Variants in CDK11A observed in about 807,000 individuals in gnomAD.
CDK11A encodes cyclin dependent kinase 11A.
CDK11A carries 55 observed loss-of-function variants against 83.6 expected under a neutral mutation model. The ratio of observed to expected loss-of-function variants is 0.66; its 90% CI spans 0.53 to 0.82. The LOEUF (loss-of-function observed/expected upper bound fraction) is 0.82. Among genes scored for constraint, CDK11A ranks in the 40% least tolerant of loss-of-function variants. The pLI is 0.00. For synonymous variants in CDK11A, 247 were observed against 302.7 expected (o/e 0.82, Z 1.91); for missense variants, 564 against 810.1 (o/e 0.70, Z 3.69).
intron 4 of CDK11A, among the ~76,000 whole-genome samples, 189 bp from the exon 5 acceptor site, chr1:1,716,667 A>T (rs1261548972): frequency 6.7e-6 from 1 of 150,308 alleles, no homozygotes; most frequent in Non-Finnish European, 1.5e-5. Context: ...TACAAAAATT[A>T]GCTGGGCGTG....
At position 1,704,657 on chromosome 1, in the gene CDK11A, T is replaced by G. The variant is rs1644241439; in HGVS notation, c.1459-2A>C. On this transcript the variant is annotated splice_acceptor_variant, in intron 13 of 19. Transcript: ENST00000404249. LOFTEE classifies it high-confidence loss of function. ...CATGTTGCTGCCCACCACAATCTCC[T>G]GCAGGGCACGGCTCTGTGGGTGCTG... 2 of 1,596,508 alleles carry G rather than the reference T, an allele frequency of 1.3e-6. No individual in the cohort carries two copies.
At chr1:1,723,158 A>C (rs1314344506) in intron 1 of CDK11A, among the ~76,000 whole-genome samples, 4 of 35,980 alleles carry the variant, frequency 1.1e-4, no homozygotes, top group African/African-American at 3.0e-4. Flanking sequence ...GGATCACTTG[A>C]ATCAGAGAGG....
intron 3 of CDK11A, 85 bp from the exon 4 acceptor site, chr1:1,719,540 A>G (rs940267853): frequency 8.9e-7 from 1 of 1,121,914 alleles, no homozygotes; most frequent in African/African-American, 1.6e-5. Flanking sequence ...TCAACCCAGA[A>G]AAATGCATGA....
intron 11 of CDK11A, among the ~76,000 whole-genome samples, chr1:1,706,796 C>T (rs1236699084): frequency 1.3e-5 from 2 of 150,596 alleles, no homozygotes; most frequent in Non-Finnish European, 3.0e-5. Context: ...ATAGGGCAGT[C>T]GACAGAGGCC....
chr1:1,717,934 G>A (rs932003930), intron 4 of CDK11A, among the ~76,000 whole-genome samples: 1 of 150,314 alleles, frequency 6.7e-6, no homozygotes, highest in African/African-American at 2.5e-5. Flanking sequence ...CTTTCAGCTA[G>A]AGTATTCTCT....
intron 5 of CDK11A, among the ~76,000 whole-genome samples, chr1:1,715,268 C>T (rs1285040470): frequency 2.3e-5 from 3 of 128,952 alleles, no homozygotes; most frequent in South Asian, 2.6e-4. Flanking sequence ...TAGCCTCCCA[C>T]GTAGCATATG....
Position 1,704,162 on chromosome 1 carries a change from G to A in CDK11A, c.1687-16C>T, listed in dbSNP as rs374107288. 1.9e-6 allele frequency: 3 copies of A among 1,607,166 alleles called. No homozygotes were observed. The highest frequency in any genetic ancestry group is 2.6e-6 in the Non-Finnish European group (3 of 1,175,986). On this transcript the variant is annotated splice_polypyrimidine_tract_variant and intron_variant, in intron 15 of 19. Coordinates refer to ENST00000404249, the MANE Select transcript of CDK11A (RefSeq NM_024011.4). ...AATCACCCACCTGCAACGACAGATG[G>A]GCGGCTGTGGGTGGGCCTGGGCGGG...
intron 19 of CDK11A, 34 bp from the exon 20 acceptor site, chr1:1,703,033 C>T: frequency 2.4e-6 from 1 of 408,910 alleles, no homozygotes. Context: ...GAACCCTGCC[C>T]AAGCCAGCCC....
In CDK11A at chr1:1,704,530, A is replaced by C. The variant is rs2377232; in HGVS notation, c.1564+20T>G. 3.1e-4 allele frequency: 496 copies of C among 1,601,428 alleles called. 12 individuals carry two copies. The African/African-American group carries it at 4.6e-3, about 15-fold the overall frequency. ...CTGCCCCCACTTGTACGCAGACAGG[A>C]CCCCGGGGCGCGGCTGTACCTGGCA... On this transcript the variant is annotated intron_variant, in intron 14 of 19. Transcript: ENST00000404249.
At chr1:1,710,636 C>G (rs529438470) in intron 6 of CDK11A, among the ~76,000 whole-genome samples, 1 of 149,948 alleles carries the variant, frequency 6.7e-6, no homozygotes, top group Non-Finnish European at 1.5e-5. Flanking sequence ...CCAACAGACA[C>G]GGTTCCTGAA....
In CDK11A at chr1:1,714,001, T is replaced by C. The variant is rs1431078146; in HGVS notation, c.489-1601A>G. ...CCACTCCACTGCCTTCTGGCCTCCA[T>C]TGTTTCTAAGAAGTCAGTGGCTGGC... On this transcript the variant is annotated intron_variant, in intron 5 of 19. Transcript: ENST00000404249. Among the ~76,000 whole-genome samples the C allele has an allele frequency of 1.9e-4, 8 of 41,604 alleles. 4 individuals are homozygous for C. Among genetic ancestry groups the C allele is most frequent in the African/African-American group, 3.1e-4 (8 of 25,812 alleles). 27.3% of individuals were successfully genotyped at this position (41,604 alleles called of 152,430 possible). A position where few individuals can be genotyped will look rare whatever the true frequency, so the allele number is the denominator to read the frequency against.
rs748513891 is a variant in CDK11A, at chr1:1,704,027, C to G, written c.1794+12G>C. 1 of 1,598,272 alleles carries G rather than the reference C, an allele frequency of 6.3e-7. No individual in the cohort carries two copies. Among genetic ancestry groups the G allele is most frequent in the Admixed American group, 1.7e-5 (1 of 58,980 alleles). ...GGGGGACAGGGGAGGCACTCAGACG[C>G]CCAGGACTCACCTTGGCACCAAGCA... On this transcript the variant is annotated intron_variant, in intron 16 of 19. Coordinates refer to ENST00000404249, the MANE Select transcript of CDK11A (RefSeq NM_024011.4).
Position 1,703,820 on chromosome 1 carries a change from C to T in CDK11A, c.1911+4G>A, listed in dbSNP as rs369332732. 14 of 1,609,462 alleles carry T rather than the reference C, an allele frequency of 8.7e-6. 1 individual carries two copies. The highest frequency in any genetic ancestry group is 1.2e-5 in the Non-Finnish European group (14 of 1,176,910). ...TAGCGCACCTGCGGCAGGGCCAGAC[C>T]CACCTTGAACACTTTGTTGATCTGA... On this transcript the variant is annotated splice_donor_region_variant and intron_variant, in intron 17 of 19. Transcript: ENST00000404249.
At chr1:1,720,136 C>T (rs1382971518) in intron 3 of CDK11A, among the ~76,000 whole-genome samples, 1 of 150,598 alleles carries the variant, frequency 6.6e-6, no homozygotes, top group East Asian at 1.9e-4. Context: ...CTCTGTCGCC[C>T]AGGCTGGAGG....
rs575236489 is a variant in CDK11A, at chr1:1,703,852, T to C, written c.1883A>G (p.Glu628Gly). ...GAACACTTTGTTGATCTGATCGATT[T>C]CCGAATTCCCGGGGAACAGAGGCTT... ...TQKPLFPGNS[E>G]IDQINKVFKE... Residue 628 changes from glutamate to glycine, a missense_variant, in exon 17 of 20, where the codon GAA (glutamate) becomes GGA (glycine). Physicochemically the swap from Glu to Gly is moderately conservative, Grantham distance 98 (BLOSUM62 -2). Transcript: ENST00000404249. 1.2e-6 allele frequency: 2 copies of C among 1,609,734 alleles called. No individual in the cohort carries two copies. Among genetic ancestry groups the C allele is most frequent in the South Asian group, 1.1e-5 (1 of 90,792 alleles).
In CDK11A at chr1:1,703,895, C is replaced by T. The variant is rs879157131; in HGVS notation, c.1840G>A (p.Gly614Arg). The change falls in exon 17 of 20, where the codon GGG becomes AGG. Residue 614 changes from glycine (G) to arginine (R), a missense_variant. Around this residue, in one of 5 missense-constraint regions of CDK11A, gnomAD observed 361 missense variants for 402.7 expected, o/e 0.90. Coordinates refer to ENST00000404249, the MANE Select transcript of CDK11A (RefSeq NM_024011.4). ...VDMWSVGCIF[G>R]ELLTQKPLFP... The stretch of plus-strand genomic sequence containing the variant: ...AGAGGCTTCTGAGTCAGCAGCTCCC[C>T]GAAGATGCAGCCCACTGACCACATG... 1.8e-5 allele frequency: 29 copies of T among 1,609,626 alleles called. 1 individual carries two copies. Among genetic ancestry groups the T allele is most frequent in the Non-Finnish European group, 2.1e-5 (25 of 1,176,954 alleles).
chr1:1,714,602 A>G (rs1196437271), intron 5 of CDK11A, among the ~76,000 whole-genome samples: 1 of 50,506 alleles, frequency 2.0e-5, no homozygotes. Context: ...GCCTATTTTA[A>G]TTTTCAACCT....
Position 1,702,571 on chromosome 1 carries a change from G to C in CDK11A, c.*336C>G, listed in dbSNP as rs944097376. On this transcript the variant is annotated 3_prime_UTR_variant, in exon 20 of 20. Coordinates refer to ENST00000404249, the MANE Select transcript of CDK11A (RefSeq NM_024011.4). The stretch of plus-strand genomic sequence containing the variant: ...AACACAGAAACAGGTCTCCAGCTCC[G>C]AAGATTAAACAATCCACCCGGCTCC... Among the ~76,000 whole-genome samples the C allele has an allele frequency of 1.6e-5, 2 of 121,612 alleles. No homozygotes were observed. The highest frequency in any genetic ancestry group is 2.8e-5 in the African/African-American group (1 of 35,716). The allele number at this position is 121,612 out of a possible 152,430, so 79.8% of individuals were successfully genotyped here.
chr1:1,703,890 C>G lies in CDK11A; in HGVS notation c.1845G>C (p.Glu615Asp). The part of the protein sequence containing the change: ...DMWSVGCIFG[E>D]LLTQKPLFPG... ...GGAACAGAGGCTTCTGAGTCAGCAG[C>G]TCCCCGAAGATGCAGCCCACTGACC... Residue 615 changes from glutamate to aspartate, a missense_variant, in exon 17 of 20, where the codon GAG (glutamate) becomes GAC (aspartate). By Grantham distance (45) the Glu-to-Asp change is conservative. Transcript: ENST00000404249. The G allele has an allele frequency of 1.2e-6, 2 of 1,609,792 alleles. No individual in the cohort carries two copies. The highest frequency in any genetic ancestry group is 1.7e-6 in the Non-Finnish European group (2 of 1,176,986).
Sources: allele counts gnomAD v4.1 joint callset (sites outside exome capture counted in the v4.1 genomes callset), GRCh38; gene constraint gnomAD v4.1.1; regional missense constraint gnomAD v4.1.1; transcripts MANE v1.5; gene names NCBI Gene and HGNC (gene_info 2026-07-23, HGNC 2026-07-21).